Variants in JAKMIP2 observed in about 807,000 individuals in gnomAD.
JAKMIP2 encodes the protein janus kinase and microtubule interacting protein 2.
A neutral mutation model predicts 115.0 loss-of-function variants in JAKMIP2; 25 were observed. The observed-to-expected ratio is 0.22, with a 90% CI of 0.16 to 0.30. JAKMIP2 has a LOEUF of 0.30. Ranked by LOEUF, JAKMIP2 falls within the 10% of genes least tolerant of loss-of-function variation. The pLI is 1.00. For synonymous variants in JAKMIP2, 334 were observed against 343.6 expected (o/e 0.97, Z 0.31); for missense variants, 642 against 957.6 (o/e 0.67, Z 4.35).
At chr5:147,672,123 T>C (rs1759637229) in intron 1 of JAKMIP2, among the ~76,000 whole-genome samples, 169 bp from the exon 2 acceptor site, 1 of 152,168 alleles carries the variant, frequency 6.6e-6, no homozygotes, top group Non-Finnish European at 1.5e-5. Flanking sequence ...TTTTTTCAAA[T>C]AGCTAATTTA....
chr5:147,763,171 G>A (rs970642726), intron 1 of JAKMIP2, among the ~76,000 whole-genome samples: 3 of 152,114 alleles, frequency 2.0e-5, no homozygotes, highest in African/African-American at 7.2e-5. Flanking sequence ...AATTTTGGGG[G>A]AGTAGAGGAG....
intron 1 of JAKMIP2, among the ~76,000 whole-genome samples, chr5:147,771,703 G>A (rs1241549241): frequency 1.3e-5 from 2 of 152,024 alleles, no homozygotes; most frequent in African/African-American, 4.8e-5. Flanking sequence ...CTTGGACAGG[G>A]AACTGTAGTG....
At chr5:147,734,729 G>A (rs536786674) in intron 1 of JAKMIP2, among the ~76,000 whole-genome samples, 1 of 151,614 alleles carries the variant, frequency 6.6e-6, no homozygotes, top group East Asian at 1.9e-4. Context: ...TACCATTGCT[G>A]TTTCAGCACT....
intron 16 of JAKMIP2, among the ~76,000 whole-genome samples, chr5:147,627,690 A>AC (rs1366896667): frequency 6.6e-6 from 1 of 150,386 alleles, no homozygotes; most frequent in South Asian, 2.1e-4. Context: ...AAAAAAAAAA[A>AC]AAAAAAAAAA....
chr5:147,618,579 A>T (rs1399360710), intron 18 of JAKMIP2, among the ~76,000 whole-genome samples: 1 of 152,118 alleles, frequency 6.6e-6, no homozygotes, highest in African/African-American at 2.4e-5. Flanking sequence ...TCTACTAAAA[A>T]TATAAAAAAT....
intron 19 of JAKMIP2, among the ~76,000 whole-genome samples, chr5:147,614,457 G>C (rs529808511): frequency 2.0e-5 from 3 of 152,108 alleles, no homozygotes; most frequent in Non-Finnish European, 4.4e-5. Flanking sequence ...AGAAAACCTT[G>C]CTGGATCTAA....
rs778086529 is a variant in JAKMIP2, at chr5:147,644,074, A to G, written c.1208T>C (p.Ile403Thr). Residue 403 changes from isoleucine to threonine, a missense_variant, in exon 7 of 22, where the codon ATT becomes ACT. Physicochemically the swap from Ile to Thr is moderately conservative, Grantham distance 89. Coordinates refer to ENST00000616793, the MANE Select transcript of JAKMIP2 (RefSeq NM_001270941.2). ...KLQVIEQQNIIDELTRDREKL... is the reference protein window; with the variant it reads ...KLQVIEQQNITDELTRDREKL... ...GACACGTACCCTTGTGAGCTCATCA[A>G]TAATGTTCTGTTGCTCAATGACCTG... 1.9e-6 allele frequency: 3 copies of G among 1,600,528 alleles called. No homozygotes were observed. Among genetic ancestry groups the G allele is most frequent in the Non-Finnish European group, 2.6e-6 (3 of 1,171,154 alleles).
chr5:147,758,448 C>T (rs1754821979), intron 1 of JAKMIP2, among the ~76,000 whole-genome samples: 2 of 152,114 alleles, frequency 1.3e-5, no homozygotes, highest in South Asian at 4.1e-4. Flanking sequence ...TACCATATAA[C>T]AAAACAAGCT....
In JAKMIP2 at chr5:147,717,784, G is replaced by A. The variant is rs1423509705; in HGVS notation, c.-148-45830C>T. Among the ~76,000 whole-genome samples the A allele has an allele frequency of 4.2e-3, 555 of 132,682 alleles. 2 individuals carry two copies. The highest frequency in any genetic ancestry group is 8.7e-3 in the Admixed American group (109 of 12,492). 87.0% of individuals were successfully genotyped at this position (132,682 alleles called of 152,430 possible). ...GGTTTTCTAGATATACAATCATGTC[G>A]TCTGCAAACAGGGACAATTTGACTT... is the stretch of plus-strand genomic sequence containing the variant. On this transcript the variant is annotated intron_variant, in intron 1 of 21. Coordinates refer to ENST00000616793, the MANE Select transcript of JAKMIP2 (RefSeq NM_001270941.2).
intron 1 of JAKMIP2, among the ~76,000 whole-genome samples, chr5:147,729,155 T>C (rs868530059): frequency 1.3e-5 from 2 of 152,100 alleles, no homozygotes; most frequent in African/African-American, 4.8e-5. Context: ...TCTCACATAG[T>C]GTTAGGATGT....
intron 18 of JAKMIP2, 61 bp from the exon 19 acceptor site, chr5:147,618,175 G>A: frequency 4.1e-6 from 4 of 967,420 alleles, no homozygotes; most frequent in South Asian, 1.6e-5. Context: ...TGGTGTGGGA[G>A]TGTATGCTAT....
At chr5:147,761,961 AC>A (rs1294432305) in intron 1 of JAKMIP2, among the ~76,000 whole-genome samples, 2 of 152,170 alleles carry the variant, frequency 1.3e-5, no homozygotes, top group African/African-American at 4.8e-5. Context: ...CACTTTTAAA[AC>A]ATGGGATAAA....
intron 1 of JAKMIP2, among the ~76,000 whole-genome samples, chr5:147,695,026 T>A (rs561471169): frequency 6.6e-6 from 1 of 152,320 alleles, no homozygotes; most frequent in East Asian, 1.9e-4. Context: ...TGTAACCATT[T>A]CAGATGCAGG....
At chr5:147,607,560 G>A (rs1261357592) in intron 20 of JAKMIP2, among the ~76,000 whole-genome samples, 1 of 152,186 alleles carries the variant, frequency 6.6e-6, no homozygotes, top group Non-Finnish European at 1.5e-5. Context: ...TTAATGTGCT[G>A]CTGGATTTGG....
At chr5:147,666,039 A>G in intron 2 of JAKMIP2, among the ~76,000 whole-genome samples, 1 of 152,222 alleles carries the variant, frequency 6.6e-6, no homozygotes, top group East Asian at 1.9e-4. Context: ...AATCCATGAA[A>G]ACTAGAGAAA....
In JAKMIP2 at chr5:147,729,102, A is replaced by G. The variant is rs530495417; in HGVS notation, c.-149+53354T>C. On this transcript the variant is annotated intron_variant, in intron 1 of 21. Coordinates refer to ENST00000616793, the MANE Select transcript of JAKMIP2 (RefSeq NM_001270941.2). The stretch of plus-strand genomic sequence containing the variant: ...GTGTGTAAGGGAGAAGGGAAGGAAG[A>G]GGAGAGAAGGCAGGAAAGAGGGAAG... Among the ~76,000 whole-genome samples the G allele has an allele frequency of 1.5e-3, 226 of 152,296 alleles. 1 individual carries two copies. The highest frequency in any genetic ancestry group is 5.2e-3 in the African/African-American group (218 of 41,552).
At chr5:147,679,681 T>G (rs564275253) in intron 1 of JAKMIP2, among the ~76,000 whole-genome samples, 5 of 152,342 alleles carry the variant, frequency 3.3e-5, no homozygotes, top group Admixed American at 3.3e-4. Context: ...ACATTTACTT[T>G]TATTAGTTTT....
At chr5:147,731,151 A>G (rs977622550) in intron 1 of JAKMIP2, among the ~76,000 whole-genome samples, 8 of 152,210 alleles carry the variant, frequency 5.3e-5, no homozygotes, top group Admixed American at 1.3e-4. Flanking sequence ...GGGTCACGTC[A>G]GTTCTATTTT....
intron 1 of JAKMIP2, among the ~76,000 whole-genome samples, chr5:147,776,114 G>A (rs984787213): frequency 6.6e-6 from 1 of 152,036 alleles, no homozygotes; most frequent in Non-Finnish European, 1.5e-5. Flanking sequence ...GGTTTTATTT[G>A]AAAACTATGA....
Sources: allele counts gnomAD v4.1 joint callset (sites outside exome capture counted in the v4.1 genomes callset), GRCh38; gene constraint gnomAD v4.1.1; transcripts MANE v1.5; gene names NCBI Gene and HGNC (gene_info 2026-07-23, HGNC 2026-07-21).